ZFAND3: variants seen among roughly 807,000 people sequenced by gnomAD.
ZFAND3 encodes AN1-type zinc finger protein 3.
Under a neutral mutation model 29.6 loss-of-function variants are expected in ZFAND3, and 10 were observed. The ratio of observed to expected loss-of-function variants is 0.34; its 90% confidence interval spans 0.21 to 0.57. The LOEUF (loss-of-function observed/expected upper bound fraction) is 0.57. ZFAND3 is among the 20% of genes least tolerant of loss of function. ZFAND3 has a pLI of 0.86. For missense variants in ZFAND3, 230 were observed against 304.5 expected (o/e 0.76, Z 1.82); for synonymous variants, 128 against 112.6 (o/e 1.14, Z -0.87).
chr6:37,880,397 CAGTG>C (rs1406887800), intron 1 of ZFAND3, among the ~76,000 whole-genome samples: 4 of 152,134 alleles, frequency 2.6e-5, no homozygotes, highest in Non-Finnish European at 4.4e-5. Flanking sequence ...TTTTACCTGA[CAGTG>C]AGGTCAGTCA....
intron 2 of ZFAND3, among the ~76,000 whole-genome samples, chr6:38,054,118 C>T (rs778596784): frequency 3.3e-5 from 5 of 150,618 alleles, no homozygotes; most frequent in Non-Finnish European, 7.4e-5. Flanking sequence ...TGGTGGCTTA[C>T]ACCTGTAATC....
At chr6:37,831,240 C>T (rs1227528488) in intron 1 of ZFAND3, among the ~76,000 whole-genome samples, 1 of 152,212 alleles carries the variant, frequency 6.6e-6, no homozygotes, top group African/African-American at 2.4e-5. Flanking sequence ...GCCAGCTTCC[C>T]AACTTGAAAG....
intron 2 of ZFAND3, among the ~76,000 whole-genome samples, chr6:37,980,136 T>C (rs1762554932): frequency 1.3e-5 from 2 of 149,802 alleles, no homozygotes; most frequent in Non-Finnish European, 3.0e-5. Context: ...TGGTCTCCTT[T>C]GTTTCCCATC....
intron 2 of ZFAND3, among the ~76,000 whole-genome samples, chr6:38,023,631 T>C (rs563965069): frequency 6.6e-6 from 1 of 152,342 alleles, no homozygotes; most frequent in Admixed American, 6.5e-5. Context: ...AAGAAACTTT[T>C]CATTTTGGCA....
intron 5 of ZFAND3, among the ~76,000 whole-genome samples, chr6:38,123,593 T>A (rs1427814897): frequency 6.6e-6 from 1 of 152,202 alleles, no homozygotes; most frequent in Non-Finnish European, 1.5e-5. Context: ...ATTGCCATTG[T>A]GTGGAGAGTC....
intron 1 of ZFAND3, among the ~76,000 whole-genome samples, chr6:37,849,093 G>A (rs1365635229): frequency 6.6e-6 from 1 of 152,156 alleles, no homozygotes; most frequent in Non-Finnish European, 1.5e-5. Flanking sequence ...ATGATAAACT[G>A]CTTTGCAAGT....
chr6:37,944,588 G>A (rs573020471), intron 2 of ZFAND3, among the ~76,000 whole-genome samples: 6 of 152,268 alleles, frequency 3.9e-5, no homozygotes, highest in Admixed American at 2.6e-4. Flanking sequence ...CTACTAAATC[G>A]GTTTTTCTTT....
At chr6:38,052,906 C>T (rs1345625909) in intron 2 of ZFAND3, among the ~76,000 whole-genome samples, 2 of 151,856 alleles carry the variant, frequency 1.3e-5, no homozygotes, top group African/African-American at 2.4e-5. Context: ...TGGTGGTGCA[C>T]GCCTGCAATC....
intron 5 of ZFAND3, among the ~76,000 whole-genome samples, chr6:38,128,001 T>A (rs1765667325): frequency 6.6e-6 from 1 of 152,190 alleles, no homozygotes; most frequent in African/African-American, 2.4e-5. Context: ...TTCACCAGAC[T>A]CTCTTAACTT....
At chr6:37,829,724 A>C (rs1416161355) in intron 1 of ZFAND3, among the ~76,000 whole-genome samples, 1 of 152,190 alleles carries the variant, frequency 6.6e-6, no homozygotes, top group Non-Finnish European at 1.5e-5. Flanking sequence ...CTGTTCCCCC[A>C]ACCTCACCCA....
intron 2 of ZFAND3, among the ~76,000 whole-genome samples, chr6:38,033,198 G>A (rs1356423524): frequency 6.6e-6 from 1 of 152,150 alleles, no homozygotes; most frequent in African/African-American, 2.4e-5. Flanking sequence ...AGATCAGAAA[G>A]GGGTTGGATT....
Position 38,106,947 on chromosome 6 carries a change from G to A in ZFAND3, c.362-9625G>A, listed in dbSNP as rs16890362. On this transcript the variant is annotated intron_variant, in intron 4 of 5. Coordinates refer to ENST00000287218, the MANE Select transcript of ZFAND3 (RefSeq NM_021943.3). ...TATTATTGCACTAAATGAAATTGTG[G>A]TTATTTTTACAAATGAACATTCCTG... 0.014 allele frequency among the ~76,000 whole-genome samples: 2,149 copies of A among 152,218 alleles called. 248 individuals carry two copies. The East Asian group carries it at 0.28, about 20-fold the overall frequency.
At chr6:38,029,434 AG>A (rs1763507536) in intron 2 of ZFAND3, among the ~76,000 whole-genome samples, 1 of 152,190 alleles carries the variant, frequency 6.6e-6, no homozygotes, top group African/African-American at 2.4e-5. Context: ...ATTTTTTAAA[AG>A]TTGGGTAATG....
chr6:37,845,416 G>T (rs1198084969), intron 1 of ZFAND3, among the ~76,000 whole-genome samples: 1 of 151,940 alleles, frequency 6.6e-6, no homozygotes, highest in Non-Finnish European at 1.5e-5. Context: ...CGTTGTCTTT[G>T]TTGGCAGAAG....
chr6:38,055,047 G>C (rs1764107690), intron 2 of ZFAND3, among the ~76,000 whole-genome samples: 1 of 152,178 alleles, frequency 6.6e-6, no homozygotes, highest in African/African-American at 2.4e-5. Context: ...TAAATTGGGT[G>C]GAGAGGGGAT....
At position 37,828,813 on chromosome 6, in the gene ZFAND3, G is replaced by C. The variant is rs1362209257; in HGVS notation, c.71+8797G>C. The stretch of plus-strand genomic sequence containing the variant: ...CTACAGGTGCCTGCCACCACACCCG[G>C]CTAATTTTTTGTATTTTTAGTAGAG... On this transcript the variant is annotated intron_variant, in intron 1 of 5. Coordinates refer to ENST00000287218, the MANE Select transcript of ZFAND3 (RefSeq NM_021943.3). 3.3e-5 allele frequency among the ~76,000 whole-genome samples: 5 copies of C among 152,002 alleles called. No individual in the cohort carries two copies. In the South Asian group the frequency reaches 1.0e-3, roughly 32 times the overall value.
At chr6:37,969,041 G>GTA (rs1209005949) in intron 2 of ZFAND3, among the ~76,000 whole-genome samples, 1 of 152,162 alleles carries the variant, frequency 6.6e-6, no homozygotes, top group Non-Finnish European at 1.5e-5. Context: ...AGGCTATATG[G>GTA]TATAGGCTAT....
intron 2 of ZFAND3, among the ~76,000 whole-genome samples, chr6:38,041,681 T>TCTTCTCCTTCTC (rs1561976778): frequency 1.5e-4 from 2 of 13,738 alleles, no homozygotes; most frequent in Non-Finnish European, 2.9e-4. Context: ...TTCTTCTTCT[T>TCTTCTCCTTCTC]CTTCTCCTTC....
At chr6:37,879,995 T>A (rs1764862171) in intron 1 of ZFAND3, among the ~76,000 whole-genome samples, 1 of 152,210 alleles carries the variant, frequency 6.6e-6, no homozygotes, top group Non-Finnish European at 1.5e-5. Context: ...CTTAAAAAAT[T>A]CACCAGCTTT....
Sources: gnomAD v4.1 joint callset for allele counts (sites outside exome capture counted in the v4.1 genomes callset) on GRCh38, gnomAD v4.1.1 for gene constraint, MANE v1.5 for transcripts, NCBI Gene and HGNC (gene_info 2026-07-23, HGNC 2026-07-21) for gene names.